HOGA1: variants seen among roughly 807,000 people sequenced by gnomAD.
HOGA1 encodes the protein 4-hydroxy-2-oxoglutarate aldolase 1.
A neutral mutation model predicts 34.3 loss-of-function variants in HOGA1; 30 were observed. The observed-to-expected ratio is 0.87, with a 90% CI of 0.65 to 1.19. HOGA1 has a LOEUF of 1.19. Ranked by LOEUF, HOGA1 falls within the 50% of genes most tolerant of loss-of-function variation. The pLI, the probability that HOGA1 is intolerant of heterozygous loss-of-function variation, is 0.00. For synonymous variants in HOGA1, 161 were observed against 174.0 expected (o/e 0.93, Z 0.59); for missense variants, 417 against 436.5 (o/e 0.96, Z 0.40).
In HOGA1 at chr10:97,611,975, G is replaced by T; in HGVS notation, c.*316G>T. 1 of 339,424 alleles carries T rather than the reference G, an allele frequency of 2.9e-6. No homozygotes were observed. Among genetic ancestry groups the T allele is most frequent in the Admixed American group, 4.4e-5 (1 of 22,732 alleles). The allele number at this position is 339,424 out of a possible 1,614,324, so 21.0% of individuals were successfully genotyped here. On this transcript the variant is annotated 3_prime_UTR_variant, in exon 7 of 7. Coordinates refer to ENST00000370646, the MANE Select transcript of HOGA1 (RefSeq NM_138413.4). ...CCCTGAGGCACATGAAGTCAGAAAGGAAGGGCAGAGGGGCAAGTAGGCACA... is the reference window on the plus strand; with the variant it reads ...CCCTGAGGCACATGAAGTCAGAAAGTAAGGGCAGAGGGGCAAGTAGGCACA...
intron 6 of HOGA1, among the ~76,000 whole-genome samples, chr10:97,605,599 T>A (rs781572721): frequency 6.6e-6 from 1 of 152,234 alleles, no homozygotes; most frequent in Non-Finnish European, 1.5e-5. Flanking sequence ...TTTTTTATTT[T>A]AGCCATTCTG....
In HOGA1 at chr10:97,590,238, G is replaced by A. The variant is rs147809962; in HGVS notation, c.211+5324G>A. The A allele has an allele frequency of 1.4e-4, 222 of 1,613,802 alleles. 2 individuals carry two copies. The African/African-American group carries it at 2.8e-3, about 20-fold the overall frequency. On this transcript the variant is annotated intron_variant, in intron 1 of 6. Coordinates refer to ENST00000370646, the MANE Select transcript of HOGA1 (RefSeq NM_138413.4). The stretch of plus-strand genomic sequence containing the variant: ...ATCCAAGAGATCCACCAGGAGTCTG[G>A]AAAAGCCCCATCCACTGATGAGGCC...
In HOGA1 at chr10:97,599,666, G is replaced by GC. The variant is rs769701726; in HGVS notation, c.469-8dup. ...GCTGCCCTCTCCTGCTTTTCTCTGC[G>GC]CCCCCCTCCCCAGGTTGCTGATCTC... On this transcript the variant is annotated splice_polypyrimidine_tract_variant and intron_variant, in intron 3 of 6. Coordinates refer to ENST00000370646, the MANE Select transcript of HOGA1 (RefSeq NM_138413.4). The GC allele has an allele frequency of 1.2e-4, 193 of 1,613,516 alleles. No individual in the cohort carries two copies. Among genetic ancestry groups the GC allele is most frequent in the Non-Finnish European group, 1.6e-4 (186 of 1,179,940 alleles).
Position 97,611,814 on chromosome 10 carries a change from C to T in HOGA1, c.*155C>T. ...CTGTGGTCCTCCAGGCAGCCTTTCA[C>T]AGGCACGCCCATGCATATCTCCTAT... On this transcript the variant is annotated 3_prime_UTR_variant, in exon 7 of 7. Transcript: ENST00000370646. The T allele has an allele frequency of 5.0e-6, 4 of 803,332 alleles. No individual in the cohort carries two copies. The highest frequency in any genetic ancestry group is 2.7e-5 in the East Asian group (1 of 37,164). The allele number at this position is 803,332 out of a possible 1,614,324, so 49.8% of individuals were successfully genotyped here.
At position 97,588,012 on chromosome 10, in the gene HOGA1, G is replaced by A. The variant is rs192862412; in HGVS notation, c.211+3098G>A. Among the ~76,000 whole-genome samples the A allele has an allele frequency of 2.1e-4, 32 of 150,498 alleles. No individual in the cohort carries two copies. In the East Asian group the frequency reaches 5.5e-3, roughly 26 times the overall value. ...TTTTTAGTAGAGATGGGATTTTGCCGTGTTGCCCAGGCTGATCTCGAATTC... is the reference window on the plus strand; with the variant it reads ...TTTTTAGTAGAGATGGGATTTTGCCATGTTGCCCAGGCTGATCTCGAATTC... On this transcript the variant is annotated intron_variant, in intron 1 of 6. Coordinates refer to ENST00000370646, the MANE Select transcript of HOGA1 (RefSeq NM_138413.4).
At chr10:97,588,980 C>T (rs530476605) in intron 1 of HOGA1, among the ~76,000 whole-genome samples, 1 of 152,130 alleles carries the variant, frequency 6.6e-6, no homozygotes, top group Non-Finnish European at 1.5e-5. Context: ...GCCTGGCCAG[C>T]CAGCCCACCT....
chr10:97,586,490 C>T (rs886251493), intron 1 of HOGA1, among the ~76,000 whole-genome samples: 2 of 152,216 alleles, frequency 1.3e-5, no homozygotes, highest in African/African-American at 4.8e-5. Flanking sequence ...CCACGTTGAG[C>T]AGGGCACAAC....
intron 6 of HOGA1, chr10:97,602,304 G>A (rs890571767): frequency 8.4e-6 from 11 of 1,304,116 alleles, no homozygotes; most frequent in Non-Finnish European, 9.9e-6. Flanking sequence ...AGTAACCCTA[G>A]GACCACACTT....
In HOGA1 at chr10:97,584,679, A is replaced by G. The variant is rs752002204; in HGVS notation, c.-25A>G. ...AAGTCTCACTCTGGGACATAGACCA[A>G]TTGTGCTTCAGGCCTCCTGCAGAGA... On this transcript the variant is annotated 5_prime_UTR_variant, in exon 1 of 7. Transcript: ENST00000370646. 6.3e-6 allele frequency: 10 copies of G among 1,586,958 alleles called. No individual in the cohort carries two copies. The highest frequency in any genetic ancestry group is 1.1e-5 in the South Asian group (1 of 88,980).
At chr10:97,602,792 T>C (rs1188824140) in intron 6 of HOGA1, among the ~76,000 whole-genome samples, 3 of 152,234 alleles carry the variant, frequency 2.0e-5, no homozygotes, top group Admixed American at 2.0e-4. Context: ...GCAATTCTTG[T>C]GCCTCACACT....
chr10:97,587,312 C>A (rs1439223297), intron 1 of HOGA1, among the ~76,000 whole-genome samples: 1 of 152,158 alleles, frequency 6.6e-6, no homozygotes, highest in Non-Finnish European at 1.5e-5. Flanking sequence ...GAGGGCCAGG[C>A]ACAGTGGCTT....
intron 1 of HOGA1, among the ~76,000 whole-genome samples, chr10:97,594,538 A>G (rs894435536): frequency 2.0e-5 from 3 of 151,840 alleles, no homozygotes; most frequent in Admixed American, 2.0e-4. Context: ...TATTTTTAGT[A>G]GAGACGGGGT....
chr10:97,605,781 T>C (rs1027507760), intron 6 of HOGA1, among the ~76,000 whole-genome samples: 8 of 152,202 alleles, frequency 5.3e-5, no homozygotes, highest in African/African-American at 1.9e-4. Flanking sequence ...GAAATTGGAT[T>C]GTTCTTTTGA....
Position 97,603,459 on chromosome 10 carries a change from C to T in HOGA1, c.834+1469C>T, listed in dbSNP as rs189714051. 6.6e-6 allele frequency among the ~76,000 whole-genome samples: 1 copy of T among 151,950 alleles called. No homozygotes were observed. The highest frequency in any genetic ancestry group is 2.4e-5 in the African/African-American group (1 of 41,370). On this transcript the variant is annotated intron_variant, in intron 6 of 6. Coordinates refer to ENST00000370646, the MANE Select transcript of HOGA1 (RefSeq NM_138413.4). This position sits in a 1 kb window ranked among gnomAD's most constrained non-coding sequence, Gnocchi z 4.5. ...CCTAGGCTGGTCTTTATCTCCTGGG[C>T]TCAAGCAGTCCTCCCACCTCAGCCT...
At position 97,585,014 on chromosome 10, in the gene HOGA1, T is replaced by C. The variant is rs1194665050; in HGVS notation, c.211+100T>C. 7.2e-6 allele frequency: 7 copies of C among 968,674 alleles called. No homozygotes were observed. In the African/African-American group the frequency reaches 8.1e-5, roughly 11 times the overall value. 60.0% of individuals were successfully genotyped at this position (968,674 alleles called of 1,614,324 possible). On this transcript the variant is annotated intron_variant, in intron 1 of 6. Transcript: ENST00000370646. ...CAGGCTCTGTCAAGCTGTCCAGGGA[T>C]AGTCTGGTACTCAGTGGGTCATTTT...
chr10:97,609,196 A>G (rs1277282811), intron 6 of HOGA1, among the ~76,000 whole-genome samples: 1 of 151,904 alleles, frequency 6.6e-6, no homozygotes, highest in African/African-American at 2.4e-5. Flanking sequence ...CTGCTCTCCC[A>G]CTCCCAGTGC....
At chr10:97,608,236 G>A (rs1030640073) in intron 6 of HOGA1, among the ~76,000 whole-genome samples, 3 of 152,104 alleles carry the variant, frequency 2.0e-5, no homozygotes, top group Admixed American at 6.6e-5. Flanking sequence ...GCTTGAGCCC[G>A]TGAGGTCGAG....
At chr10:97,593,203 CG>C (rs1424313441) in intron 1 of HOGA1, among the ~76,000 whole-genome samples, 1 of 151,778 alleles carries the variant, frequency 6.6e-6, no homozygotes, top group Non-Finnish European at 1.5e-5. Flanking sequence ...GGGCCGAACA[CG>C]GCGGCTCACG....
At chr10:97,586,133 T>A (rs2040969121) in intron 1 of HOGA1, among the ~76,000 whole-genome samples, 1 of 82,492 alleles carries the variant, frequency 1.2e-5, no homozygotes, top group African/African-American at 4.3e-5. Context: ...CAAGACTCCA[T>A]CTCAAAAAAA....
Sources: allele counts gnomAD v4.1 joint callset (sites outside exome capture counted in the v4.1 genomes callset), GRCh38; gene constraint gnomAD v4.1.1; non-coding constraint Gnocchi (gnomAD v3.1); transcripts MANE v1.5; gene names NCBI Gene and HGNC (gene_info 2026-07-23, HGNC 2026-07-21).